The following ZNF700 variants were observed in gnomAD, a reference collection of about 807,000 sequenced individuals.
The protein encoded by ZNF700 is zinc finger protein 700.
A neutral mutation model predicts 65.3 loss-of-function variants in ZNF700; 38 were observed. The observed-to-expected ratio is 0.58, with a 90% CI of 0.45 to 0.76. The LOEUF (loss-of-function observed/expected upper bound fraction) is 0.76. ZNF700 is among the 30% of genes least tolerant of loss of function. The pLI, the probability that ZNF700 is intolerant of heterozygous loss-of-function variation, is 0.00. For synonymous variants in ZNF700, 285 were observed against 290.4 expected (o/e 0.98, Z 0.19); for missense variants, 857 against 888.4 (o/e 0.96, Z 0.45).
intron 1 of ZNF700, among the ~76,000 whole-genome samples, chr19:11,941,840 C>T (rs1321878344): frequency 6.6e-6 from 1 of 152,210 alleles, no homozygotes; most frequent in African/African-American, 2.4e-5. Flanking sequence ...TGAGGACTGC[C>T]AGCATGCTGT....
At chr19:11,943,357 TGATA>T in intron 1 of ZNF700, among the ~76,000 whole-genome samples, 1 of 152,214 alleles carries the variant, frequency 6.6e-6, no homozygotes, top group South Asian at 2.1e-4. Context: ...CAGTCTATTT[TGATA>T]GATAGCATTT....
In ZNF700 at chr19:11,948,310, G is replaced by C. The variant is rs150585099; in HGVS notation, c.286G>C (p.Glu96Gln). ...AGAAGAGAAAGTCAATGAAATTAAA[G>C]AAGACAGTCATTGTGGAGAAACTTT... ...LIEEKVNEIK[E>Q]DSHCGETFTQ... is the part of the protein sequence containing the mutation. Residue 96 changes from glutamate to glutamine, a missense_variant, in exon 4 of 4, where the codon GAA becomes CAA. This residue lies in a region of ZNF700 where 603 missense variants were observed against 619.9 expected (regional missense o/e 0.97). Transcript: ENST00000254321. The C allele has an allele frequency of 6.2e-6, 10 of 1,613,406 alleles. No individual in the cohort carries two copies. In the African/African-American group the frequency reaches 1.3e-4, roughly 22 times the overall value.
At chr19:11,944,166 C>G (rs181926810) in intron 1 of ZNF700, among the ~76,000 whole-genome samples, 1 of 151,996 alleles carries the variant, frequency 6.6e-6, no homozygotes, top group Non-Finnish European at 1.5e-5. Context: ...TGAGATTGTT[C>G]GTGTAATTTT....
At position 11,948,769 on chromosome 19, in the gene ZNF700, C is replaced by A. The variant is rs751227294; in HGVS notation, c.745C>A (p.Pro249Thr). Residue 249 changes from proline (P) to threonine (T), a missense_variant, in exon 4 of 4, where the codon CCA becomes ACA. By Grantham distance (38) the Pro-to-Thr change is conservative. Coordinates refer to ENST00000254321, the MANE Select transcript of ZNF700 (RefSeq NM_144566.3). ...IHERTHTGEKPYECKQCGKSF... is the reference protein window; with the variant it reads ...IHERTHTGEKTYECKQCGKSF... ...TGAAAGAACTCACACTGGAGAGAAA[C>A]CATATGAATGTAAACAATGTGGTAA... 6.2e-7 allele frequency: 1 copy of A among 1,611,362 alleles called. No individual in the cohort carries two copies. Among genetic ancestry groups the A allele is most frequent in the East Asian group, 2.2e-5 (1 of 44,856 alleles).
At chr19:11,928,815 C>T (rs1048845814) in intron 1 of ZNF700, among the ~76,000 whole-genome samples, 1 of 146,552 alleles carries the variant, frequency 6.8e-6, no homozygotes, top group Non-Finnish European at 1.5e-5. Flanking sequence ...TAGGATGGCT[C>T]ACACCTGTAA....
chr19:11,937,890 T>G (rs1455127334), intron 1 of ZNF700, among the ~76,000 whole-genome samples: 1 of 152,204 alleles, frequency 6.6e-6, no homozygotes, highest in Non-Finnish European at 1.5e-5. Flanking sequence ...TTAACCCATT[T>G]ATGCTGGAGA....
chr19:11,942,019 G>A (rs976775233), intron 1 of ZNF700, among the ~76,000 whole-genome samples: 1 of 152,068 alleles, frequency 6.6e-6, no homozygotes, highest in Admixed American at 6.6e-5. Context: ...TTGGCCTCTT[G>A]TGCACTTAGG....
intron 1 of ZNF700, among the ~76,000 whole-genome samples, chr19:11,943,507 AT>A (rs963004092): frequency 2.0e-5 from 3 of 151,812 alleles, no homozygotes; most frequent in South Asian, 2.1e-4. Flanking sequence ...TGTTTTAGCT[AT>A]TTTTTTTACT....
rs77573631 is a variant in ZNF700 at position 11,933,744 on chromosome 19, A to G, written c.63+8471A>G. Among the ~76,000 whole-genome samples the G allele has an allele frequency of 6.9e-3, 1,014 of 147,126 alleles. 157 individuals are homozygous for G. Among genetic ancestry groups the G allele is most frequent in the African/African-American group, 0.027 (996 of 37,290 alleles). ...ATTTTTATTTATTTATCTAAAAAAA[A>G]TTTTGTTTTTGAATGGTGTGAACCC... On this transcript the variant is annotated intron_variant, in intron 1 of 3. Transcript: ENST00000254321.
intron 1 of ZNF700, among the ~76,000 whole-genome samples, chr19:11,940,427 G>A (rs538688833): frequency 6.6e-6 from 1 of 152,134 alleles, no homozygotes; most frequent in East Asian, 1.9e-4. Flanking sequence ...TGGGTTTGTG[G>A]TCTCGCTGGC....
chr19:11,928,731 C>CAAA (rs779525520), intron 1 of ZNF700, among the ~76,000 whole-genome samples: 2 of 53,438 alleles, frequency 3.7e-5, no homozygotes, highest in African/African-American at 6.7e-5. Flanking sequence ...GACTCCGTCT[C>CAAA]AAAAAAAAAA....
chr19:11,950,377 G>T lies in ZNF700; in HGVS notation c.*124G>T, dbSNP rs763163897. On this transcript the variant is annotated 3_prime_UTR_variant, in exon 4 of 4. Coordinates refer to ENST00000254321, the MANE Select transcript of ZNF700 (RefSeq NM_144566.3). The stretch of plus-strand genomic sequence containing the variant: ...ATATCATGAAAGGACTCACACTGGG[G>T]AGAAACCCTATCAATGTAAGCAGTG... The T allele has an allele frequency of 2.6e-4, 258 of 995,782 alleles. No homozygotes were observed. The highest frequency in any genetic ancestry group is 3.8e-4 in the Non-Finnish European group (245 of 645,614). 61.7% of individuals were successfully genotyped at this position (995,782 alleles called of 1,614,324 possible). A position where few individuals can be genotyped will look rare whatever the true frequency, so the allele number is the denominator to read the frequency against.
At position 11,949,152 on chromosome 19, in the gene ZNF700, A is replaced by G. The variant is rs1352199790; in HGVS notation, c.1128A>G (p.Ser376=). 1 of 1,612,664 alleles carries G rather than the reference A, an allele frequency of 6.2e-7. No homozygotes were observed. The highest frequency in any genetic ancestry group is 1.3e-5 in the African/African-American group (1 of 74,794). The part of the protein sequence containing the change: ...ICGKGFYSAK[S]FQTHEKTHTG... ...GGAAAGGCTTTTATTCTGCCAAGTC[A>G]TTTCAAACACATGAAAAAACTCACA... Residue 376 remains serine (S), a synonymous_variant, in exon 4 of 4, where the codon TCA becomes TCG. Coordinates refer to ENST00000254321, the MANE Select transcript of ZNF700 (RefSeq NM_144566.3).
At position 11,925,168 on chromosome 19, in the gene ZNF700, C is replaced by G; in HGVS notation, c.-43C>G. The G allele has an allele frequency of 6.2e-7, 1 of 1,608,656 alleles. No individual in the cohort carries two copies. Among genetic ancestry groups the G allele is most frequent in the East Asian group, 2.2e-5 (1 of 44,598 alleles). On this transcript the variant is annotated 5_prime_UTR_variant, in exon 1 of 4. Transcript: ENST00000254321. ...CCGGTCAGACCAGCCCGAGAGGGAC[C>G]TGGTGCCTGTACCCAGGCTTCTGTC...
Position 11,948,678 on chromosome 19 carries a change from G to T in ZNF700, c.654G>T (p.Gly218=). Residue 218 remains glycine (G), a synonymous_variant, in exon 4 of 4, where the codon GGG becomes GGT. Transcript: ENST00000254321. ...SIRRHMVMHS[G]DGTYKCKFCG... ...GAAGACACATGGTAATGCACAGTGG[G>T]GATGGAACTTATAAATGTAAATTTT... 1.2e-6 allele frequency: 2 copies of T among 1,612,166 alleles called. No homozygotes were observed. The highest frequency in any genetic ancestry group is 1.7e-6 in the Non-Finnish European group (2 of 1,179,588).
In ZNF700 at chr19:11,930,053, T is replaced by G. The variant is rs1972690826; in HGVS notation, c.63+4780T>G. Reference sequence around the variant, plus strand: ...CACAATTGCCATGTCTCTTGGAGGGTCTAGTGGGTATCTGTGCCTAGGGGA... The same window carrying G: ...CACAATTGCCATGTCTCTTGGAGGGGCTAGTGGGTATCTGTGCCTAGGGGA... On this transcript the variant is annotated intron_variant, in intron 1 of 3. Transcript: ENST00000254321. Among the ~76,000 whole-genome samples, 3 of 147,788 alleles carry G rather than the reference T, an allele frequency of 2.0e-5. 1 individual carries two copies. Among genetic ancestry groups the G allele is most frequent in the African/African-American group, 8.0e-5 (3 of 37,592 alleles).
chr19:11,929,429 G>A (rs1229291001), intron 1 of ZNF700, among the ~76,000 whole-genome samples: 1 of 148,412 alleles, frequency 6.7e-6, no homozygotes, highest in Non-Finnish European at 1.5e-5. Flanking sequence ...TCCCAGAATG[G>A]TGGGATTACG....
At chr19:11,926,237 C>A (rs1181879022) in intron 1 of ZNF700, among the ~76,000 whole-genome samples, 1 of 152,196 alleles carries the variant, frequency 6.6e-6, no homozygotes, top group African/African-American at 2.4e-5. Context: ...CACAAGCAGT[C>A]TGTTTTTCCA....
At chr19:11,936,956 A>G (rs1599284799) in intron 1 of ZNF700, among the ~76,000 whole-genome samples, 1 of 152,140 alleles carries the variant, frequency 6.6e-6, no homozygotes, top group Admixed American at 6.5e-5. Context: ...TCGTTTCCCC[A>G]TTTGTTGTTT....
Sources: allele counts gnomAD v4.1 joint callset (sites outside exome capture counted in the v4.1 genomes callset), GRCh38; gene constraint gnomAD v4.1.1; regional missense constraint gnomAD v4.1.1; transcripts MANE v1.5; gene names NCBI Gene and HGNC (gene_info 2026-07-23, HGNC 2026-07-21).